ELP1: variants seen among roughly 807,000 people sequenced by gnomAD.
The protein encoded by ELP1 is elongator complex protein 1.
Under a neutral mutation model 183.2 loss-of-function variants are expected in ELP1, and 131 were observed. The observed-to-expected ratio is 0.72, with a 90% CI of 0.62 to 0.83. The LOEUF is 0.83. Ranked by LOEUF, ELP1 falls within the 40% of genes least tolerant of loss-of-function variation. The pLI is 0.00. For synonymous variants in ELP1, 555 were observed against 569.0 expected, an observed-to-expected ratio of 0.98 and a Z score of 0.35; for missense variants, 1,550 against 1,594.9, an observed-to-expected ratio of 0.97 and a Z score of 0.48.
intron 27 of ELP1, 126 bp from the exon 28 acceptor site, chr9:108,891,530 A>C: frequency 1.2e-6 from 1 of 831,826 alleles, no homozygotes; most frequent in Non-Finnish European, 2.0e-6. Context: ...AAAATCTTAC[A>C]GTTGATCAGT....
intron 10 of ELP1, among the ~76,000 whole-genome samples, chr9:108,912,757 T>G (rs935221446): frequency 1.3e-5 from 2 of 150,846 alleles, no homozygotes; most frequent in Non-Finnish European, 1.5e-5. Context: ...ATTTTCGTTT[T>G]TTTTTTTTTT....
intron 3 of ELP1, among the ~76,000 whole-genome samples, chr9:108,928,803 T>C (rs1387384327): frequency 2.6e-5 from 4 of 152,172 alleles, no homozygotes; most frequent in Admixed American, 2.6e-4. Flanking sequence ...AAACAAGCTG[T>C]ATATGACAAG....
chr9:108,899,741 C>T (rs970681193), intron 20 of ELP1, 81 bp downstream of exon 20: 21 of 1,143,064 alleles, frequency 1.8e-5, no homozygotes, highest in Non-Finnish European at 2.5e-5. Context: ...ATTTTAAGTT[C>T]TCGAAATTGT....
At chr9:108,916,117 A>C in intron 10 of ELP1, 87 bp downstream of exon 10, 1 of 994,570 alleles carries the variant, frequency 1.0e-6, no homozygotes. Context: ...TAAGGGACTA[A>C]GTAGAAGGGA....
Position 108,879,303 on chromosome 9 carries a change from G to A in ELP1, c.3572+143C>T. ...TTAATGTCTCAGATATGCTGGGAAA[G>A]TGTCTGAACAACTTCCACACAGCGC... On this transcript the variant is annotated intron_variant, in intron 33 of 36. Transcript: ENST00000374647. 4.2e-6 allele frequency: 3 copies of A among 711,308 alleles called. No homozygotes were observed. The South Asian group carries it at 4.5e-5, about 11-fold the overall frequency. 44.1% of individuals were successfully genotyped at this position (711,308 alleles called of 1,614,324 possible).
chr9:108,906,390 T>C lies in ELP1; in HGVS notation c.1556A>G (p.His519Arg). 2.5e-6 allele frequency: 4 copies of C among 1,614,136 alleles called. No homozygotes were observed. Among genetic ancestry groups the C allele is most frequent in the Non-Finnish European group, 3.4e-6 (4 of 1,179,958 alleles). ...IEEDVFLAVSHSEFSPRSVIH... is the reference protein window; with the variant it reads ...IEEDVFLAVSRSEFSPRSVIH... ...GACAGACCGGGGGCTGAACTCACTG[T>C]GGCTTACAGCCAGGAAGACGTCTTC... The change falls in exon 14 of 37, where the codon CAC (histidine) becomes CGC (arginine). Residue 519 changes from histidine (H) to arginine (R), a missense_variant. Coordinates refer to ENST00000374647, the MANE Select transcript of ELP1 (RefSeq NM_003640.5).
intron 36 of ELP1, among the ~76,000 whole-genome samples, chr9:108,872,185 G>A (rs1032827915): frequency 2.0e-5 from 3 of 152,172 alleles, no homozygotes; most frequent in Non-Finnish European, 4.4e-5. Context: ...TGCAATTAAT[G>A]GAGACTCTCA....
chr9:108,894,027 T>C lies in ELP1; in HGVS notation c.2776A>G (p.Lys926Glu). The C allele has an allele frequency of 6.4e-7, 1 of 1,568,492 alleles. No homozygotes were observed. Among genetic ancestry groups the C allele is most frequent in the South Asian group, 1.1e-5 (1 of 90,054 alleles). ...AACCGCTGATAATTAGTTTCCATTT[T>C]CTTAAGTGTATTAAGAAATGGAAGA... is the stretch of plus-strand genomic sequence containing the variant. ...EYLPFLNTLK[K>E]METNYQRFTI... The change falls in exon 26 of 37, where the codon AAA becomes GAA. Residue 926 changes from lysine (K) to glutamate (E), a missense_variant. Physicochemically the swap from Lys to Glu is moderately conservative, Grantham distance 56 (BLOSUM62 1). Coordinates refer to ENST00000374647, the MANE Select transcript of ELP1 (RefSeq NM_003640.5).
chr9:108,926,008 CT>C (rs1174009983), intron 5 of ELP1, among the ~76,000 whole-genome samples: 1 of 152,238 alleles, frequency 6.6e-6, no homozygotes, highest in East Asian at 1.9e-4. Flanking sequence ...AGGCCAGCTA[CT>C]TTGTGACTTC....
intron 6 of ELP1, among the ~76,000 whole-genome samples, chr9:108,920,799 A>T (rs1472621435): frequency 6.6e-6 from 1 of 152,188 alleles, no homozygotes; most frequent in South Asian, 2.1e-4. Context: ...GAAAAAGTTC[A>T]TGAAAAAAAG....
Position 108,874,940 on chromosome 9 carries a change from T to C in ELP1, c.3886A>G (p.Ile1296Val), listed in dbSNP as rs762773957. ...VLGPNSTANS[I>V]MASYQQQKTS... ...TTCTGTTGCTGATAAGATGCCATGA[T>C]ACTATTTGCAGTAGAATTGGGACCT... Residue 1296 changes from isoleucine to valine, a missense_variant, in exon 36 of 37, where the codon ATC (isoleucine) becomes GTC (valine). Physicochemically the swap from Ile to Val is conservative, Grantham distance 29. Coordinates refer to ENST00000374647, the MANE Select transcript of ELP1 (RefSeq NM_003640.5). 1.5e-5 allele frequency: 24 copies of C among 1,612,874 alleles called. No homozygotes were observed. The East Asian group carries it at 3.6e-4, about 24-fold the overall frequency.
At chr9:108,870,201 C>T (rs914978325) in intron 36 of ELP1, among the ~76,000 whole-genome samples, 4 of 152,092 alleles carry the variant, frequency 2.6e-5, no homozygotes, top group Admixed American at 6.5e-5. Context: ...CTCCTGGTCT[C>T]GTTCCACCCA....
intron 11 of ELP1, 88 bp downstream of exon 11, chr9:108,912,176 C>A (rs1171108128): frequency 2.0e-6 from 2 of 988,312 alleles, no homozygotes; most frequent in Admixed American, 1.8e-5. Context: ...AATAAAGATT[C>A]CCCACTGTTC....
At chr9:108,909,874 G>A (rs1487378001) in intron 12 of ELP1, among the ~76,000 whole-genome samples, 1 of 152,120 alleles carries the variant, frequency 6.6e-6, no homozygotes, top group Non-Finnish European at 1.5e-5. Flanking sequence ...GTTTCATTCT[G>A]AGGAGATAAA....
chr9:108,894,129 G>A (rs940608227), intron 25 of ELP1, 63 bp from the exon 26 acceptor site: 2 of 1,004,330 alleles, frequency 2.0e-6, no homozygotes, highest in Non-Finnish European at 3.0e-6. Context: ...ATAGAAACTA[G>A]CATTTACATA....
Position 108,917,597 on chromosome 9 carries a change from C to A in ELP1, c.814G>T (p.Gly272Ter). 6.2e-7 allele frequency: 1 copy of A among 1,613,876 alleles called. No individual in the cohort carries two copies. The highest frequency in any genetic ancestry group is 8.5e-7 in the Non-Finnish European group (1 of 1,179,856). ...QQDIVFFEKN[G>*]LLHGHFTLPF... ...AGTGTAAAGTGTCCATGAAGGAGTCCATTTTTCTCAAAAAACACAATATCC... is the reference window on the plus strand; with the variant it reads ...AGTGTAAAGTGTCCATGAAGGAGTCAATTTTTCTCAAAAAACACAATATCC... Residue 272 changes from glycine to a stop codon, truncating the protein, a stop_gained, in exon 9 of 37, where the codon GGA (glycine) becomes TGA (stop). Coordinates refer to ENST00000374647, the MANE Select transcript of ELP1 (RefSeq NM_003640.5). LOFTEE classifies it high-confidence loss of function.
At chr9:108,874,743 A>T (rs1827633795) in intron 36 of ELP1, 152 bp downstream of exon 36, 1 of 637,010 alleles carries the variant, frequency 1.6e-6, no homozygotes, top group Non-Finnish European at 2.8e-6. Context: ...CATACTAAAG[A>T]TGCGGTCTTA....
intron 36 of ELP1, among the ~76,000 whole-genome samples, chr9:108,869,678 A>C (rs1371871947): frequency 6.6e-6 from 1 of 152,206 alleles, no homozygotes. Context: ...CCTGCTTTAA[A>C]AAAAGTGAAT....
chr9:108,878,539 A>C, intron 34 of ELP1, 84 bp downstream of exon 34: 3 of 1,560,452 alleles, frequency 1.9e-6, no homozygotes, highest in Non-Finnish European at 1.8e-6. Context: ...ATGGTAGCTT[A>C]ATCACCTACT....
Sources: allele counts gnomAD v4.1 joint callset (sites outside exome capture counted in the v4.1 genomes callset), GRCh38; gene constraint gnomAD v4.1.1; transcripts MANE v1.5; gene names NCBI Gene and HGNC (gene_info 2026-07-23, HGNC 2026-07-21).